Variants in KANK1 observed in about 807,000 individuals in gnomAD.
KANK1 encodes the protein KN motif and ankyrin repeat domains 1.
In KANK1, 109 loss-of-function variants were observed where a neutral mutation model predicts 106.2. The ratio of observed to expected loss-of-function variants is 1.03; its 90% CI spans 0.88 to 1.20. The LOEUF is 1.20. Ranked by LOEUF, KANK1 falls within the 50% of genes most tolerant of loss-of-function variation. The probability of loss-of-function intolerance (pLI) is 0.00; values close to 1 mark genes in which losing one functional copy is unlikely to be tolerated. For missense variants in KANK1, 2,399 were observed against 1,710.7 expected (o/e 1.40, Z -7.10); for synonymous variants, 873 against 652.2 (o/e 1.34, Z -5.16).
chr9:539,028 G>A (rs929154349), intron 1 of KANK1, among the ~76,000 whole-genome samples: 8 of 152,086 alleles, frequency 5.3e-5, no homozygotes, highest in Non-Finnish European at 1.0e-4. Context: ...TTACAGGCAT[G>A]AGCCACCACA....
intron 3 of KANK1, among the ~76,000 whole-genome samples, chr9:727,724 G>A (rs898299194): frequency 1.3e-5 from 2 of 151,624 alleles, no homozygotes; most frequent in African/African-American, 4.9e-5. Flanking sequence ...GTGTATGTGT[G>A]TGTGTGGTAA....
Position 742,367 on chromosome 9 carries a change from C to T in KANK1, c.3859C>T (p.Leu1287=). The change falls in exon 10 of 12, where the codon CTG becomes TTG. Residue 1287 remains leucine (L), a synonymous_variant. Coordinates refer to ENST00000382297, the MANE Select transcript of KANK1 (RefSeq NM_015158.5). ...HGHVEIVKLL[L]AQPGCNGHLE... ...ACACGTGGAGATTGTCAAGCTGCTGCTGGCCCAGCCCGGCTGCAACGGTCA... is the reference window on the plus strand; with the variant it reads ...ACACGTGGAGATTGTCAAGCTGCTGTTGGCCCAGCCCGGCTGCAACGGTCA... 1 of 1,614,036 alleles carries T rather than the reference C, an allele frequency of 6.2e-7. No homozygotes were observed. The highest frequency in any genetic ancestry group is 8.5e-7 in the Non-Finnish European group (1 of 1,179,972).
intron 2 of KANK1, among the ~76,000 whole-genome samples, chr9:679,183 A>G (rs540562651): frequency 1.3e-5 from 2 of 152,262 alleles, no homozygotes; most frequent in East Asian, 1.9e-4. Flanking sequence ...TACTGCAGAC[A>G]GTTATCTGGA....
At position 711,475 on chromosome 9, in the gene KANK1, A is replaced by C; in HGVS notation, c.709A>C (p.Ser237Arg). 6.2e-7 allele frequency: 1 copy of C among 1,613,974 alleles called. No individual in the cohort carries two copies. Among genetic ancestry groups the C allele is most frequent in the South Asian group, 1.1e-5 (1 of 91,060 alleles). ...TGCTCCCACCACTTCCTCCATGGGG[A>C]GCTCCATCCGCCACAGCCCCCTGAG... is the stretch of plus-strand genomic sequence containing the variant. ...PAAPTTSSMG[S>R]SIRHSPLSSG... The change falls in exon 3 of 12, where the codon AGC becomes CGC. Residue 237 changes from serine (S) to arginine (R), a missense_variant. Coordinates refer to ENST00000382297, the MANE Select transcript of KANK1 (RefSeq NM_015158.5).
At position 715,921 on chromosome 9, in the gene KANK1, A is replaced by G. The variant is rs549828453; in HGVS notation, c.2698+2457A>G. Among the ~76,000 whole-genome samples the G allele has an allele frequency of 4.6e-5, 7 of 152,370 alleles. No individual in the cohort carries two copies. The South Asian group carries it at 1.4e-3, about 32-fold the overall frequency. ...AGTAAAGTGGAGATGCTCAACACTT[A>G]GAAGCTTTGAGAATCCAGGTGGCCC... is the stretch of plus-strand genomic sequence containing the variant. On this transcript the variant is annotated intron_variant, in intron 3 of 11. Coordinates refer to ENST00000382297, the MANE Select transcript of KANK1 (RefSeq NM_015158.5).
At chr9:590,335 A>G (rs1463415954) in intron 1 of KANK1, among the ~76,000 whole-genome samples, 2 of 152,128 alleles carry the variant, frequency 1.3e-5, no homozygotes, top group Non-Finnish European at 2.9e-5. Context: ...GAGGAGTTGG[A>G]CTAGGCAGGT....
At chr9:694,236 CT>C in intron 2 of KANK1, among the ~76,000 whole-genome samples, 1 of 152,192 alleles carries the variant, frequency 6.6e-6, no homozygotes, top group East Asian at 1.9e-4. Flanking sequence ...CCACCTCCCC[CT>C]GGCCAAAAAA....
Position 734,845 on chromosome 9 carries a change from A to T in KANK1, c.3333+10A>T. ...GACCAGCAAAGATATGGTGAGTCTG[A>T]CCTGCAAACACCATCCCCAGTGTGT... On this transcript the variant is annotated intron_variant, in intron 7 of 11. Coordinates refer to ENST00000382297, the MANE Select transcript of KANK1 (RefSeq NM_015158.5). 1 of 1,589,046 alleles carries T rather than the reference A, an allele frequency of 6.3e-7. No individual in the cohort carries two copies. Among genetic ancestry groups the T allele is most frequent in the Non-Finnish European group, 8.6e-7 (1 of 1,157,162 alleles).
chr9:528,055 C>A (rs1456297930), intron 1 of KANK1, among the ~76,000 whole-genome samples: 3 of 151,732 alleles, frequency 2.0e-5, no homozygotes, highest in Non-Finnish European at 1.5e-5. Context: ...ATGGCATGAA[C>A]CCGGGAGGTG....
At chr9:573,279 TA>T (rs1020414260) in intron 1 of KANK1, among the ~76,000 whole-genome samples, 24 of 151,964 alleles carry the variant, frequency 1.6e-4, no homozygotes, top group African/African-American at 5.6e-4. Flanking sequence ...TTATTATTAT[TA>T]TTTTTTTGAG....
intron 1 of KANK1, among the ~76,000 whole-genome samples, chr9:618,081 C>G (rs920839290): frequency 2.6e-5 from 4 of 152,160 alleles, no homozygotes; most frequent in African/African-American, 7.2e-5. Flanking sequence ...CAGTAGTACC[C>G]ACGGAATTCT....
At chr9:670,616 G>A (rs1050860661) in intron 1 of KANK1, among the ~76,000 whole-genome samples, 1 of 152,102 alleles carries the variant, frequency 6.6e-6, no homozygotes, top group Non-Finnish European at 1.5e-5. Flanking sequence ...TAGTGCTGCC[G>A]AACACCCACT....
intron 1 of KANK1, among the ~76,000 whole-genome samples, chr9:637,477 A>G (rs576356289): frequency 1.3e-5 from 2 of 152,206 alleles, no homozygotes; most frequent in Non-Finnish European, 2.9e-5. Context: ...TTTAGCATGC[A>G]TCACAATCAC....
intron 1 of KANK1, among the ~76,000 whole-genome samples, chr9:566,674 G>T (rs992296973): frequency 3.9e-5 from 6 of 152,080 alleles, no homozygotes; most frequent in Non-Finnish European, 7.4e-5. Flanking sequence ...AAAGGTGTCT[G>T]TTCATGCCTT....
chr9:616,533 C>A (rs754481618), intron 1 of KANK1, among the ~76,000 whole-genome samples: 1 of 152,174 alleles, frequency 6.6e-6, no homozygotes, highest in Non-Finnish European at 1.5e-5. Context: ...CACTTGATAC[C>A]TACCAAATTT....
At chr9:700,286 T>C (rs2130172727) in intron 2 of KANK1, among the ~76,000 whole-genome samples, 1 of 152,330 alleles carries the variant, frequency 6.6e-6, no homozygotes, top group Non-Finnish European at 1.5e-5. Flanking sequence ...TTTTATTGTG[T>C]GTTCTCTAAC....
At chr9:485,697 A>G (rs1026817381) in intron 3 of KANK1, among the ~76,000 whole-genome samples, 6 of 152,116 alleles carry the variant, frequency 3.9e-5, no homozygotes, top group African/African-American at 1.4e-4. Context: ...ACATGGTGGA[A>G]CCTCATCTCT....
intron 1 of KANK1, among the ~76,000 whole-genome samples, chr9:533,712 T>C (rs2060167861): frequency 6.6e-6 from 1 of 152,160 alleles, no homozygotes; most frequent in Non-Finnish European, 1.5e-5. Context: ...TGAGGTGGCA[T>C]TTCTAGTTCC....
intron 2 of KANK1, among the ~76,000 whole-genome samples, chr9:703,612 G>T (rs1823250660): frequency 6.6e-6 from 1 of 152,096 alleles, no homozygotes; most frequent in Non-Finnish European, 1.5e-5. Flanking sequence ...TGCAGATATA[G>T]CCAGTGGAAT....
Sources: allele counts gnomAD v4.1 joint callset (sites outside exome capture counted in the v4.1 genomes callset), GRCh38; gene constraint gnomAD v4.1.1; transcripts MANE v1.5; gene names NCBI Gene and HGNC (gene_info 2026-07-23, HGNC 2026-07-21).